ITPR2: variants seen among roughly 807,000 people sequenced by gnomAD.
The protein encoded by ITPR2 is inositol 1,4,5-trisphosphate receptor type 2.
Under a neutral mutation model 317.1 loss-of-function variants are expected in ITPR2, and 207 were observed. The observed-to-expected ratio is 0.65, with a 90% CI of 0.58 to 0.73. ITPR2 has a LOEUF of 0.73. Among genes scored for constraint, ITPR2 ranks in the 30% least tolerant of loss-of-function variants. The pLI is 0.00. For synonymous variants in ITPR2, 1,156 were observed against 1,149.1 expected, an observed-to-expected ratio of 1.01 and a Z score of -0.12; for missense variants, 2,613 against 3,284.0, an observed-to-expected ratio of 0.80 and a Z score of 4.99.
chr12:26,398,295 T>C (rs998570993), intron 54 of ITPR2, among the ~76,000 whole-genome samples: 2 of 152,064 alleles, frequency 1.3e-5, no homozygotes, highest in Non-Finnish European at 2.9e-5. Context: ...TGGTGGTACA[T>C]GCCTGCAGTC....
At chr12:26,822,689 A>T (rs1950954700) in intron 1 of ITPR2, among the ~76,000 whole-genome samples, 1 of 152,212 alleles carries the variant, frequency 6.6e-6, no homozygotes, top group African/African-American at 2.4e-5. Flanking sequence ...GGTACTTCGC[A>T]TAAATTTCTC....
chr12:26,796,862 C>T (rs1407550301), intron 1 of ITPR2, among the ~76,000 whole-genome samples: 3 of 151,826 alleles, frequency 2.0e-5, no homozygotes, highest in African/African-American at 4.8e-5. Flanking sequence ...AAACCACCCC[C>T]GTCTCTACTA....
At chr12:26,463,482 C>G (rs1408526505) in intron 45 of ITPR2, among the ~76,000 whole-genome samples, 1 of 151,978 alleles carries the variant, frequency 6.6e-6, no homozygotes, top group Non-Finnish European at 1.5e-5. Context: ...GCCTGACAAA[C>G]ATGGAGAAAC....
At chr12:26,508,585 G>A (rs1455725956) in intron 37 of ITPR2, among the ~76,000 whole-genome samples, 1 of 149,098 alleles carries the variant, frequency 6.7e-6, no homozygotes, top group Non-Finnish European at 1.5e-5. Flanking sequence ...AAGAGTAATG[G>A]AAAAGCAAAC....
Position 26,335,398 on chromosome 12 carries a change from C to T in ITPR2, c.*3999G>A, listed in dbSNP as rs1483185189. ...AACATTCACTTATAAATTATCTGCC[C>T]TTGTCATATATTGGAATCGTGTTTT... On this transcript the variant is annotated 3_prime_UTR_variant, in exon 57 of 57. Transcript: ENST00000381340. Among the ~76,000 whole-genome samples the T allele has an allele frequency of 6.6e-6, 1 of 152,170 alleles. No homozygotes were observed. The highest frequency in any genetic ancestry group is 6.5e-5 in the Admixed American group (1 of 15,278).
intron 2 of ITPR2, among the ~76,000 whole-genome samples, chr12:26,741,783 T>G (rs1295679249): frequency 6.6e-6 from 1 of 152,168 alleles, no homozygotes; most frequent in African/African-American, 2.4e-5. Flanking sequence ...CAGAAACCCA[T>G]AGTAATCACT....
At chr12:26,437,558 T>C (rs1941384725) in intron 47 of ITPR2, among the ~76,000 whole-genome samples, 1 of 152,238 alleles carries the variant, frequency 6.6e-6, no homozygotes, top group Non-Finnish European at 1.5e-5. Context: ...TTGATGCATG[T>C]ATTTGTAATA....
intron 5 of ITPR2, chr12:26,721,483 A>G (rs1487923042): frequency 2.3e-6 from 1 of 430,246 alleles, no homozygotes; most frequent in Non-Finnish European, 4.1e-6. Flanking sequence ...GAATAATTAT[A>G]CTTTTATATT....
In ITPR2 at chr12:26,659,156, T is replaced by C. The variant is rs1200142141; in HGVS notation, c.1843A>G (p.Ile615Val). Residue 615 changes from isoleucine to valine, a missense_variant, in exon 16 of 57, where the codon ATA (isoleucine) becomes GTA (valine). Ile to Val is a conservative substitution (Grantham distance 29). Around this residue, in one of 9 missense-constraint regions of ITPR2, gnomAD observed 515 missense variants for 789.4 expected, o/e 0.65. Coordinates refer to ENST00000381340, the MANE Select transcript of ITPR2 (RefSeq NM_002223.4). ...LLEKHITAKE[I>V]ETFVSLLRRN... Reference sequence around the variant, plus strand: ...CTGAGTAAACTGACAAATGTTTCTATTTCTTTTGCTGTGATATGTTTCTCT... The same window carrying C: ...CTGAGTAAACTGACAAATGTTTCTACTTCTTTTGCTGTGATATGTTTCTCT... The C allele has an allele frequency of 1.2e-6, 2 of 1,613,680 alleles. No homozygotes were observed. Among genetic ancestry groups the C allele is most frequent in the Admixed American group, 1.7e-5 (1 of 60,004 alleles).
chr12:26,487,703 A>C (rs1469289080), intron 39 of ITPR2, among the ~76,000 whole-genome samples: 2 of 152,252 alleles, frequency 1.3e-5, no homozygotes, highest in Non-Finnish European at 2.9e-5. Flanking sequence ...TGTAATCTAA[A>C]GTGGAAAATA....
intron 21 of ITPR2, among the ~76,000 whole-genome samples, chr12:26,647,684 A>T (rs1248629401): frequency 6.6e-6 from 1 of 152,228 alleles, no homozygotes; most frequent in African/African-American, 2.4e-5. Flanking sequence ...AGCAAATCGT[A>T]AGTATTAGGC....
intron 37 of ITPR2, among the ~76,000 whole-genome samples, chr12:26,521,017 G>A (rs1943647534): frequency 6.6e-6 from 1 of 152,168 alleles, no homozygotes; most frequent in South Asian, 2.1e-4. Context: ...GTAGCAATAT[G>A]AGTCACTGTG....
At position 26,774,121 on chromosome 12, in the gene ITPR2, A is replaced by T. The variant is rs34606914; in HGVS notation, c.163+16036T>A. Among the ~76,000 whole-genome samples, 5 of 151,574 alleles carry T rather than the reference A, an allele frequency of 3.3e-5. No individual in the cohort carries two copies. In the South Asian group the frequency reaches 6.2e-4, roughly 19 times the overall value. ...AACATCTTCACTTAATACATGGAGA[A>T]GTTTTTGTCTTCTGTTATTTAAACT... is the stretch of plus-strand genomic sequence containing the variant. On this transcript the variant is annotated intron_variant, in intron 2 of 56. Coordinates refer to ENST00000381340, the MANE Select transcript of ITPR2 (RefSeq NM_002223.4).
chr12:26,716,359 T>C (rs538345885), intron 5 of ITPR2, 117 bp from the exon 6 acceptor site: 2 of 617,242 alleles, frequency 3.2e-6, no homozygotes, highest in Admixed American at 3.1e-5. Flanking sequence ...GGTCCTTTTA[T>C]CCTTCACACA....
chr12:26,469,641 G>A (rs1270293262), intron 45 of ITPR2, among the ~76,000 whole-genome samples: 1 of 151,976 alleles, frequency 6.6e-6, no homozygotes, highest in South Asian at 2.1e-4. Flanking sequence ...CAGCCAGAAT[G>A]CAAATTCCCT....
chr12:26,631,802 G>A (rs984701123), intron 22 of ITPR2, 64 bp downstream of exon 22: 2 of 1,398,022 alleles, frequency 1.4e-6, no homozygotes, highest in African/African-American at 2.8e-5. Context: ...AACAAAAAGG[G>A]TAAGAAGTTA....
intron 1 of ITPR2, among the ~76,000 whole-genome samples, chr12:26,795,173 A>G (rs1443991164): frequency 2.6e-5 from 4 of 152,232 alleles, no homozygotes; most frequent in African/African-American, 9.6e-5. Flanking sequence ...AAAACACATT[A>G]AGGTAAGGAA....
At chr12:26,537,496 C>T (rs887918724) in intron 37 of ITPR2, among the ~76,000 whole-genome samples, 3 of 152,172 alleles carry the variant, frequency 2.0e-5, no homozygotes, top group African/African-American at 7.2e-5. Context: ...TACTCTGGCA[C>T]TGTCAGAGAA....
chr12:26,775,959 T>TATATATATATATATATA (rs1263788006), intron 2 of ITPR2, among the ~76,000 whole-genome samples: 6 of 145,166 alleles, frequency 4.1e-5, no homozygotes, highest in Middle Eastern at 3.6e-3. Context: ...TATATGTATA[T>TATATATATATATATATA]CCTATTAGTT....
Sources: gnomAD v4.1 joint callset for allele counts (sites outside exome capture counted in the v4.1 genomes callset) on GRCh38, gnomAD v4.1.1 for gene constraint, gnomAD v4.1.1 regional missense constraint, MANE v1.5 for transcripts, NCBI Gene and HGNC (gene_info 2026-07-23, HGNC 2026-07-21) for gene names.